CYP2C8: variants seen among roughly 807,000 people sequenced by gnomAD.
CYP2C8 encodes cytochrome P450 2C8.
In CYP2C8, 51 loss-of-function variants were observed where a neutral mutation model predicts 41.3. The ratio of observed to expected loss-of-function variants is 1.24; its 90% CI spans 0.99 to 1.56. The LOEUF (loss-of-function observed/expected upper bound fraction) is 1.56, where lower values mean the gene tolerates loss of function less well. Ranked by LOEUF, CYP2C8 falls within the 40% of genes most tolerant of loss-of-function variation. CYP2C8 has a pLI of 0.00. For synonymous variants in CYP2C8, 218 were observed against 205.8 expected, an observed-to-expected ratio of 1.06 and a Z score of -0.51; for missense variants, 651 against 579.9, an observed-to-expected ratio of 1.12 and a Z score of -1.26.
intron 4 of CYP2C8, among the ~76,000 whole-genome samples, chr10:95,062,413 T>C (rs769653397): frequency 2.0e-5 from 3 of 152,236 alleles, no homozygotes; most frequent in Non-Finnish European, 2.9e-5. Context: ...TTTGTCTCTT[T>C]TAATCTTTGT....
In CYP2C8 at chr10:95,069,340, T is replaced by A. The variant is rs202131138; in HGVS notation, c.63A>T (p.Arg21Ser). 157 of 1,613,952 alleles carry A rather than the reference T, an allele frequency of 9.7e-5. No individual in the cohort carries two copies. Among genetic ancestry groups the A allele is most frequent in the Admixed American group, 1.3e-4 (8 of 59,970 alleles). The change falls in exon 1 of 9, where the codon AGA (arginine) becomes AGT (serine). Residue 21 changes from arginine to serine, a missense_variant. By Grantham distance (110) the Arg-to-Ser change is moderately radical. Transcript: ENST00000371270. ...LSFMLLFSLW[R>S]QSCRRRKLPP... ...GGAGCTTCCTTCTCCTACAGCTCTGTCTCCAGAGTGAAAAGAGAAGCATAA... is the reference window on the plus strand; with the variant it reads ...GGAGCTTCCTTCTCCTACAGCTCTGACTCCAGAGTGAAAAGAGAAGCATAA...
chr10:95,039,297 G>T, intron 7 of CYP2C8: 2 of 459,334 alleles, frequency 4.4e-6, no homozygotes, highest in East Asian at 4.1e-5. Context: ...AAGTTTGGAT[G>T]CCCTTTTCTG....
At chr10:95,047,308 T>C (rs577152858) in intron 5 of CYP2C8, among the ~76,000 whole-genome samples, 1 of 152,342 alleles carries the variant, frequency 6.6e-6, no homozygotes, top group South Asian at 2.1e-4. Context: ...TTTTTTATTA[T>C]TTGTAAGTGA....
chr10:95,047,164 G>A (rs555401877), intron 5 of CYP2C8, among the ~76,000 whole-genome samples: 25 of 152,272 alleles, frequency 1.6e-4, no homozygotes, highest in South Asian at 1.0e-3. Flanking sequence ...CAAAAGCTGA[G>A]CAGATGCAAG....
At chr10:95,066,119 TGAGAGAGAGAGAGAGA>T (rs144502351) in intron 3 of CYP2C8, among the ~76,000 whole-genome samples, 4 of 97,762 alleles carry the variant, frequency 4.1e-5, no homozygotes, top group African/African-American at 1.7e-4. Flanking sequence ...GAAGCCTTGG[TGAGAGAGAGAGAGAGA>T]GAGAGAGAGA....
chr10:95,067,539 A>G lies in CYP2C8; in HGVS notation c.321T>C (p.Thr107=), dbSNP rs750338178. ...RGNSPISQRI[T]KGLGIISSNG... Reference sequence around the variant, plus strand: ...AATATGTGCACCTACCAAGTCCTTTAGTAATTCTTTGAGATATTGGGGAAT... The same window carrying G: ...AATATGTGCACCTACCAAGTCCTTTGGTAATTCTTTGAGATATTGGGGAAT... The change falls in exon 2 of 9, where the codon ACT becomes ACC. Residue 107 remains threonine (T), a synonymous_variant. Transcript: ENST00000371270. The G allele has an allele frequency of 2.5e-6, 4 of 1,614,024 alleles. No homozygotes were observed. Among genetic ancestry groups the G allele is most frequent in the Admixed American group, 1.7e-5 (1 of 59,982 alleles).
chr10:95,053,677 A>T (rs968788783), intron 5 of CYP2C8, among the ~76,000 whole-genome samples: 1 of 151,994 alleles, frequency 6.6e-6, no homozygotes, highest in Non-Finnish European at 1.5e-5. Flanking sequence ...AGAAAACCAA[A>T]CACTGCATGT....
chr10:95,041,156 C>A (rs1010410706), intron 7 of CYP2C8, among the ~76,000 whole-genome samples: 3 of 152,100 alleles, frequency 2.0e-5, no homozygotes, highest in Non-Finnish European at 4.4e-5. Flanking sequence ...CACACACATT[C>A]ATGACACAAA....
At chr10:95,060,325 G>T (rs1186923925) in intron 4 of CYP2C8, among the ~76,000 whole-genome samples, 2 of 152,154 alleles carry the variant, frequency 1.3e-5, no homozygotes, top group Non-Finnish European at 2.9e-5. Flanking sequence ...TTGTTGAGCA[G>T]TTGTTTGTAG....
Position 95,058,751 on chromosome 10 carries a change from G to A in CYP2C8, c.643-240C>T, listed in dbSNP as rs528243730. ...GTTGGTGTACTGCACCCAATAACTC[G>A]TCATATACATTAGGTATATCTCCCA... On this transcript the variant is annotated intron_variant, in intron 4 of 8. Transcript: ENST00000371270. Among the ~76,000 whole-genome samples, 21 of 151,866 alleles carry A rather than the reference G, an allele frequency of 1.4e-4. No individual in the cohort carries two copies. In the South Asian group the frequency reaches 1.7e-3, roughly 12 times the overall value.
chr10:95,060,578 G>A (rs1485130851), intron 4 of CYP2C8, among the ~76,000 whole-genome samples: 1 of 152,182 alleles, frequency 6.6e-6, no homozygotes, highest in Non-Finnish European at 1.5e-5. Flanking sequence ...ATACAGTCAT[G>A]TCATCTGCAA....
At chr10:95,064,677 T>G in intron 4 of CYP2C8, 123 bp downstream of exon 4, 2 of 952,732 alleles carry the variant, frequency 2.1e-6, no homozygotes, top group Non-Finnish European at 3.2e-6. Flanking sequence ...AATTATTTTC[T>G]TCACTCATAC....
chr10:95,039,319 C>T (rs904225564), intron 7 of CYP2C8: 44 of 411,610 alleles, frequency 1.1e-4, no homozygotes, highest in South Asian at 7.1e-4. Context: ...CCTCATTTGC[C>T]GCTCTATTTC....
chr10:95,057,326 C>T (rs1229535565), intron 5 of CYP2C8, among the ~76,000 whole-genome samples: 1 of 152,074 alleles, frequency 6.6e-6, no homozygotes, highest in African/African-American at 2.4e-5. Context: ...AAAGTGTACA[C>T]TTTAAATTGG....
chr10:95,059,123 A>C (rs1384219736), intron 4 of CYP2C8, among the ~76,000 whole-genome samples: 1 of 152,064 alleles, frequency 6.6e-6, no homozygotes, highest in Non-Finnish European at 1.5e-5. Flanking sequence ...TGTGTCTTTA[A>C]AGCAGCATGA....
At chr10:95,057,488 C>T (rs1202536815) in intron 5 of CYP2C8, among the ~76,000 whole-genome samples, 1 of 151,888 alleles carries the variant, frequency 6.6e-6, no homozygotes, top group Non-Finnish European at 1.5e-5. Context: ...ACTGAATGAA[C>T]ACAAAAAAGC....
chr10:95,069,050 G>A (rs1391010306), intron 1 of CYP2C8, 185 bp downstream of exon 1: 16 of 681,554 alleles, frequency 2.3e-5, no homozygotes, highest in African/African-American at 1.0e-4. Flanking sequence ...GCAATAGAGC[G>A]AGACTCCGTC....
At chr10:95,067,069 T>G in intron 3 of CYP2C8, 139 bp downstream of exon 3, 1 of 1,222,958 alleles carries the variant, frequency 8.2e-7, no homozygotes, top group Non-Finnish European at 1.2e-6. Context: ...TCTCTGTGCT[T>G]CAAATCTCCC....
chr10:95,037,810 T>A (rs11572175), intron 8 of CYP2C8, among the ~76,000 whole-genome samples: 1 of 152,224 alleles, frequency 6.6e-6, no homozygotes. Context: ...TTTCATATCC[T>A]GTTGTTCATT....
Sources: allele counts gnomAD v4.1 joint callset (sites outside exome capture counted in the v4.1 genomes callset), GRCh38; gene constraint gnomAD v4.1.1; transcripts MANE v1.5; gene names NCBI Gene and HGNC (gene_info 2026-07-23, HGNC 2026-07-21).